Variants in DAB1 observed in about 807,000 individuals in gnomAD.
The protein encoded by DAB1 is disabled homolog 1.
Under a neutral mutation model 64.6 loss-of-function variants are expected in DAB1, and 15 were observed. That is an observed-to-expected ratio of 0.23 (90% CI 0.16 to 0.36). The LOEUF is 0.36. Among genes scored for constraint, DAB1 ranks in the 10% least tolerant of loss-of-function variants. DAB1 has a pLI of 1.00. For synonymous variants in DAB1, 235 were observed against 251.9 expected, an observed-to-expected ratio of 0.93 and a Z score of 0.64; for missense variants, 596 against 706.7, an observed-to-expected ratio of 0.84 and a Z score of 1.78.
At chr1:58,034,493 A>T (rs931731362) in intron 5 of DAB1, among the ~76,000 whole-genome samples, 1 of 152,204 alleles carries the variant, frequency 6.6e-6, no homozygotes, top group Admixed American at 6.5e-5. Flanking sequence ...TAAGCCATGA[A>T]GTTTTGGGGT....
chr1:57,407,760 T>C (rs2101048347), intron 1 of DAB1, among the ~76,000 whole-genome samples: 1 of 144,990 alleles, frequency 6.9e-6, no homozygotes, highest in East Asian at 2.1e-4. Context: ...AAGAGGAAGA[T>C]ATCTGAAGTG....
intron 7 of DAB1, among the ~76,000 whole-genome samples, chr1:57,621,753 A>C (rs1645862382): frequency 6.6e-6 from 1 of 152,210 alleles, no homozygotes; most frequent in African/African-American, 2.4e-5. Flanking sequence ...TCAAAACCAT[A>C]TTCCAAAGTA....
At chr1:57,282,513 C>T (rs1671996389) in intron 2 of DAB1, among the ~76,000 whole-genome samples, 2 of 152,250 alleles carry the variant, frequency 1.3e-5, no homozygotes, top group South Asian at 2.1e-4. Context: ...AGCAAGGGAA[C>T]CAGTTAGAAC....
At chr1:58,460,752 G>C (rs1007265191) in intron 3 of DAB1, among the ~76,000 whole-genome samples, 22 of 152,056 alleles carry the variant, frequency 1.4e-4, no homozygotes, top group Middle Eastern at 3.4e-3. Flanking sequence ...GGAGCTAAGG[G>C]GAAAAAACAT....
At chr1:57,592,912 C>CCTTA (rs1160686935) in intron 7 of DAB1, among the ~76,000 whole-genome samples, 1 of 152,144 alleles carries the variant, frequency 6.6e-6, no homozygotes, top group Non-Finnish European at 1.5e-5. Context: ...CCTCATTTAA[C>CCTTA]CTTACTTGCC....
At chr1:57,953,589 G>A (rs1456163536) in intron 5 of DAB1, among the ~76,000 whole-genome samples, 1 of 152,136 alleles carries the variant, frequency 6.6e-6, no homozygotes, top group South Asian at 2.1e-4. Flanking sequence ...CCTTGTGCTG[G>A]ACATCCTCCG....
intron 1 of DAB1, chr1:57,867,406 T>G (rs901425610): frequency 1.3e-5 from 2 of 152,166 alleles, no homozygotes; most frequent in African/African-American, 4.8e-5. Context: ...AGCCTCTGCC[T>G]GGACCCAGAG....
At chr1:57,426,838 G>A (rs1475130789), upstream of DAB1, among the ~76,000 whole-genome samples, 1 of 149,282 alleles carries the variant, frequency 6.7e-6, no homozygotes, top group African/African-American at 2.4e-5. Context: ...TCTTGAGATC[G>A]CAGTGAGCCT....
chr1:58,052,473 T>G (rs1177905418), intron 5 of DAB1, among the ~76,000 whole-genome samples: 1 of 152,232 alleles, frequency 6.6e-6, no homozygotes, highest in Non-Finnish European at 1.5e-5. Context: ...TGAAGTCAGG[T>G]AGCGTGATGC....
chr1:57,203,955 T>A, intron 2 of DAB1, among the ~76,000 whole-genome samples: 1 of 152,134 alleles, frequency 6.6e-6, no homozygotes, highest in Non-Finnish European at 1.5e-5. Flanking sequence ...AGTGGCACAA[T>A]CTTGGTTCAC....
At chr1:57,549,634 T>C (rs1336391129) in intron 7 of DAB1, among the ~76,000 whole-genome samples, 4 of 152,166 alleles carry the variant, frequency 2.6e-5, no homozygotes, top group Non-Finnish European at 5.9e-5. Context: ...GCTCAGTCAG[T>C]TGAATGCCTC....
chr1:57,277,042 C>A (rs1671521315), intron 2 of DAB1, among the ~76,000 whole-genome samples: 1 of 152,168 alleles, frequency 6.6e-6, no homozygotes, highest in African/African-American at 2.4e-5. Context: ...TAGCCCTTAA[C>A]AAAATTACCA....
At chr1:58,420,779 C>T (rs142870993) in intron 3 of DAB1, among the ~76,000 whole-genome samples, 4 of 152,200 alleles carry the variant, frequency 2.6e-5, no homozygotes, top group Non-Finnish European at 4.4e-5. Flanking sequence ...CATTTTCTTC[C>T]CTCTACCTTG....
At chr1:58,394,082 T>C (rs1201593462) in intron 3 of DAB1, among the ~76,000 whole-genome samples, 2 of 152,144 alleles carry the variant, frequency 1.3e-5, no homozygotes, top group Admixed American at 1.3e-4. Context: ...CTGATAAAAA[T>C]GGACAAAAAA....
chr1:58,535,520 T>TG (rs1646502220), intron 1 of DAB1, among the ~76,000 whole-genome samples: 2 of 148,532 alleles, frequency 1.3e-5, no homozygotes, highest in Non-Finnish European at 3.0e-5. Flanking sequence ...AATTTGAACC[T>TG]GTAAGGTGGA....
intron 2 of DAB1, among the ~76,000 whole-genome samples, chr1:57,197,343 CAAAAAAAAAA>C (rs772162205): frequency 3.3e-5 from 3 of 90,114 alleles, no homozygotes; most frequent in Non-Finnish European, 7.7e-5. Flanking sequence ...GACTTCATCT[CAAAAAAAAAA>C]AAAAAGAAAG....
intron 6 of DAB1, among the ~76,000 whole-genome samples, chr1:57,812,842 T>C (rs527921827): frequency 6.6e-6 from 1 of 152,326 alleles, no homozygotes; most frequent in East Asian, 1.9e-4. Context: ...ACAATCCCTA[T>C]TTTACAGATG....
At chr1:58,245,319 T>C (rs918681962) in intron 4 of DAB1, among the ~76,000 whole-genome samples, 1 of 152,192 alleles carries the variant, frequency 6.6e-6, no homozygotes, top group Middle Eastern at 3.2e-3. Context: ...GAATGAGCCC[T>C]GGACCCAAAG....
chr1:57,705,185 C>T (rs187207945), intron 6 of DAB1, among the ~76,000 whole-genome samples: 11 of 152,218 alleles, frequency 7.2e-5, no homozygotes, highest in Admixed American at 6.5e-4. Context: ...AACTAGTCTT[C>T]CCAAGTAGTC....
Sources: gnomAD v4.1 joint callset for allele counts (sites outside exome capture counted in the v4.1 genomes callset) on GRCh38, gnomAD v4.1.1 for gene constraint, MANE v1.5 for transcripts, NCBI Gene and HGNC (gene_info 2026-07-23, HGNC 2026-07-21) for gene names.